The following CORO2B variants were observed in gnomAD, a reference collection of about 807,000 sequenced individuals.
CORO2B encodes coronin-2B.
A neutral mutation model predicts 58.8 loss-of-function variants in CORO2B; 26 were observed. That is an observed-to-expected ratio of 0.44 (90% confidence interval 0.32 to 0.61). CORO2B has a LOEUF of 0.61. Ranked by LOEUF, CORO2B falls within the 20% of genes least tolerant of loss-of-function variation. The pLI is 0.04. For missense variants in CORO2B, 460 were observed against 645.1 expected (o/e 0.71, Z 3.11); for synonymous variants, 242 against 253.8 (o/e 0.95, Z 0.44).
intron 1 of CORO2B, among the ~76,000 whole-genome samples, chr15:68,607,638 C>A (rs979625966): frequency 6.6e-6 from 1 of 151,822 alleles, no homozygotes; most frequent in Non-Finnish European, 1.5e-5. Context: ...GGTGACATAG[C>A]GAGAACCCAT....
chr15:68,526,653 T>C, the CORO2B span, among the ~76,000 whole-genome samples: 1 of 152,240 alleles, frequency 6.6e-6, no homozygotes. Flanking sequence ...ACTTTACATA[T>C]AGCTTTTGTC....
the CORO2B span, among the ~76,000 whole-genome samples, chr15:68,569,665 T>C: frequency 0.028 from 4,341 of 152,332 alleles, 194 homozygotes; most frequent in African/African-American, 0.096. Flanking sequence ...GGGAGAACGA[T>C]TGCTGGATCA....
At chr15:68,641,021 C>A (rs12901345) in intron 1 of CORO2B, among the ~76,000 whole-genome samples, 1 of 151,946 alleles carries the variant, frequency 6.6e-6, no homozygotes, top group Admixed American at 6.5e-5. Flanking sequence ...GTGGAGCCAT[C>A]GATCAACAGC....
chr15:68,708,899 T>C (rs1341210314), intron 3 of CORO2B, among the ~76,000 whole-genome samples: 2 of 152,198 alleles, frequency 1.3e-5, no homozygotes, highest in Non-Finnish European at 2.9e-5. Flanking sequence ...CAGTCTGGTC[T>C]TGAGCTCCTG....
intron 1 of CORO2B, among the ~76,000 whole-genome samples, chr15:68,605,025 A>C (rs1326291358): frequency 6.6e-6 from 1 of 152,116 alleles, no homozygotes; most frequent in Non-Finnish European, 1.5e-5. Context: ...GAGGCAGGAG[A>C]ATCGCTTGAA....
intron 3 of CORO2B, among the ~76,000 whole-genome samples, chr15:68,695,462 T>C (rs921823437): frequency 2.0e-5 from 3 of 152,194 alleles, no homozygotes; most frequent in African/African-American, 4.8e-5. Flanking sequence ...CAGAGATCTG[T>C]GTTTTCAGTG....
chr15:68,720,699 A>C (rs1401348815), intron 11 of CORO2B, among the ~76,000 whole-genome samples: 2 of 152,182 alleles, frequency 1.3e-5, no homozygotes, highest in African/African-American at 2.4e-5. Context: ...TGTGAGCAGA[A>C]GAGCAAGAGA....
chr15:68,545,611 G>GGGGGGGGGAATA, the CORO2B span, among the ~76,000 whole-genome samples: 2 of 69,308 alleles, frequency 2.9e-5, no homozygotes, highest in African/African-American at 5.6e-5. Flanking sequence ...AATGCGGGGG[G>GGGGGGGGGAATA]CGGGGGGGGT....
chr15:68,636,473 C>T (rs892331904), intron 1 of CORO2B, among the ~76,000 whole-genome samples: 5 of 152,196 alleles, frequency 3.3e-5, no homozygotes, highest in Non-Finnish European at 7.3e-5. Context: ...TGAGAAGGCG[C>T]CATCCCAGCC....
the CORO2B span, among the ~76,000 whole-genome samples, chr15:68,570,692 G>A: frequency 6.6e-6 from 1 of 151,954 alleles, no homozygotes; most frequent in Middle Eastern, 3.4e-3. Context: ...GAGGGGAATA[G>A]TCAGTGTATT....
At chr15:68,639,111 A>C (rs535904190) in intron 1 of CORO2B, among the ~76,000 whole-genome samples, 1 of 152,312 alleles carries the variant, frequency 6.6e-6, no homozygotes, top group South Asian at 2.1e-4. Flanking sequence ...CATCAGCCTG[A>C]AAATAAAATG....
At chr15:68,598,859 G>A (rs1899905425) in intron 1 of CORO2B, among the ~76,000 whole-genome samples, 1 of 152,174 alleles carries the variant, frequency 6.6e-6, no homozygotes, top group African/African-American at 2.4e-5. Flanking sequence ...TCTGCTTGCG[G>A]GAAGCTGGTG....
At chr15:68,621,187 A>G (rs757040618) in intron 1 of CORO2B, among the ~76,000 whole-genome samples, 17 of 152,242 alleles carry the variant, frequency 1.1e-4, no homozygotes, top group South Asian at 6.2e-4. Context: ...CTAATGAGCA[A>G]TTGAGCATCT....
At chr15:68,712,552 C>CA (rs1018087061) in intron 5 of CORO2B, among the ~76,000 whole-genome samples, 2 of 152,104 alleles carry the variant, frequency 1.3e-5, no homozygotes, top group Non-Finnish European at 2.9e-5. Context: ...GGAAACAATC[C>CA]AAAATCTGAA....
At chr15:68,609,972 A>G (rs566427716) in intron 1 of CORO2B, among the ~76,000 whole-genome samples, 1 of 152,176 alleles carries the variant, frequency 6.6e-6, no homozygotes, top group Non-Finnish European at 1.5e-5. Flanking sequence ...TAATTGTGCA[A>G]CCAGCCTCTC....
chr15:68,568,929 G>A, the CORO2B span, among the ~76,000 whole-genome samples: 1 of 151,970 alleles, frequency 6.6e-6, no homozygotes, highest in Non-Finnish European at 1.5e-5. Context: ...CATGGTACAC[G>A]TTTACCTATG....
chr15:68,654,693 T>G (rs1366713887), intron 2 of CORO2B, among the ~76,000 whole-genome samples: 1 of 152,228 alleles, frequency 6.6e-6, no homozygotes, highest in Non-Finnish European at 1.5e-5. Flanking sequence ...TTAAATAAGG[T>G]GCTGTAAAAA....
chr15:68,600,221 G>GTTTTGCAAGA (rs1899947455), intron 1 of CORO2B, among the ~76,000 whole-genome samples: 1 of 152,188 alleles, frequency 6.6e-6, no homozygotes, highest in South Asian at 2.1e-4. Context: ...AAGTGCTGTT[G>GTTTTGCAAGA]TTTTGCAAAT....
the CORO2B span, among the ~76,000 whole-genome samples, chr15:68,552,887 C>G: frequency 6.6e-6 from 1 of 152,230 alleles, no homozygotes; most frequent in East Asian, 1.9e-4. Context: ...GACCAGGACA[C>G]GTAGTGGTTG....
Sources: gnomAD v4.1 joint callset for allele counts (sites outside exome capture counted in the v4.1 genomes callset) on GRCh38, gnomAD v4.1.1 for gene constraint, MANE v1.5 for transcripts, NCBI Gene and HGNC (gene_info 2026-07-23, HGNC 2026-07-21) for gene names.